PARD3B: variants seen among roughly 807,000 people sequenced by gnomAD.
PARD3B encodes par-3 family cell polarity regulator beta, also known as partitioning defective 3 homolog B.
In PARD3B, 103 loss-of-function variants were observed where a neutral mutation model predicts 130.2. That is an observed-to-expected ratio of 0.79 (90% CI 0.67 to 0.93). The LOEUF is 0.93. Ranked by LOEUF, PARD3B falls within the 40% of genes least tolerant of loss-of-function variation. The pLI, the probability that PARD3B is intolerant of heterozygous loss-of-function variation, is 0.00. For synonymous variants in PARD3B, 583 were observed against 553.2 expected (o/e 1.05, Z -0.76); for missense variants, 1,609 against 1,499.2 (o/e 1.07, Z -1.21).
intron 12 of PARD3B, among the ~76,000 whole-genome samples, chr2:205,175,129 T>G (rs2035394151): frequency 2.0e-5 from 3 of 152,200 alleles, no homozygotes; most frequent in Admixed American, 2.0e-4. Context: ...GGCTGAATAC[T>G]TTAATTAGGC....
At chr2:204,853,003 G>A (rs1260509710) in intron 2 of PARD3B, among the ~76,000 whole-genome samples, 1 of 152,076 alleles carries the variant, frequency 6.6e-6, no homozygotes, top group Admixed American at 6.6e-5. Flanking sequence ...AAATATTAAT[G>A]TCTTAAAGTT....
At chr2:205,106,574 C>T (rs1436143459) in intron 5 of PARD3B, among the ~76,000 whole-genome samples, 1 of 151,084 alleles carries the variant, frequency 6.6e-6, no homozygotes, top group Admixed American at 6.6e-5. Flanking sequence ...GTTTTCTTAT[C>T]ACCTTTAATA....
rs2045519693 is a variant in PARD3B at position 205,383,101 on chromosome 2, T to TAGATAGATAGATAGATAGAG, written c.2631-17893_2631-17892insGAGATAGATAGATAGATAGA. The stretch of plus-strand genomic sequence containing the variant: ...AAGTTTACATAGATAGATAGATAGA[T>TAGATAGATAGATAGATAGAG]AGATAGATAGATAGATAGATAGATA... On this transcript the variant is annotated intron_variant, in intron 18 of 22. Transcript: ENST00000406610. 1.4e-4 allele frequency among the ~76,000 whole-genome samples: 18 copies of TAGATAGATAGATAGATAGAG among 132,432 alleles called. No individual in the cohort carries two copies. In the South Asian group the frequency reaches 2.7e-3, roughly 20 times the overall value. 86.9% of individuals were successfully genotyped at this position (132,432 alleles called of 152,430 possible). A position where few individuals can be genotyped will look rare whatever the true frequency, so the allele number is the denominator to read the frequency against.
chr2:205,114,807 G>A (rs1703912673), intron 6 of PARD3B, among the ~76,000 whole-genome samples: 1 of 149,458 alleles, frequency 6.7e-6, no homozygotes, highest in Admixed American at 6.7e-5. Flanking sequence ...TGGAATGAAT[G>A]TTCCCCAAAA....
chr2:205,497,202 T>TGAA (rs1244754726), intron 20 of PARD3B, among the ~76,000 whole-genome samples: 1 of 112,206 alleles, frequency 8.9e-6, no homozygotes, highest in African/African-American at 3.1e-5. Flanking sequence ...ACATACATAT[T>TGAA]GAAAAAAAAA....
rs375400441 is a variant in PARD3B, at chr2:205,463,243, G to A, written c.3044+22571G>A. On this transcript the variant is annotated intron_variant, in intron 20 of 22. Transcript: ENST00000406610. This position sits in a 1 kb window ranked among gnomAD's most constrained non-coding sequence, Gnocchi z 4.8. ...TTAGTCTTCCTTACACATAAGGAGA[G>A]TTTGAACAATGGATCCAAATTATCA... Among the ~76,000 whole-genome samples, 6 of 152,200 alleles carry A rather than the reference G, an allele frequency of 3.9e-5. No homozygotes were observed. The highest frequency in any genetic ancestry group is 3.9e-4 in the East Asian group (2 of 5,164).
At chr2:205,337,317 T>G (rs531249581) in intron 18 of PARD3B, among the ~76,000 whole-genome samples, 197 of 152,346 alleles carry the variant, frequency 1.3e-3, no homozygotes, top group African/African-American at 4.5e-3. Context: ...ACTTACATCT[T>G]CTTTATGTCT....
intron 15 of PARD3B, among the ~76,000 whole-genome samples, chr2:205,200,983 T>A (rs1357178792): frequency 6.6e-6 from 1 of 152,150 alleles, no homozygotes; most frequent in Non-Finnish European, 1.5e-5. Flanking sequence ...TGTTTTCAGA[T>A]CAAAGGAGAA....
rs1334839304 is a variant in PARD3B at position 205,309,142 on chromosome 2, C to T, written c.2630+7441C>T. Among the ~76,000 whole-genome samples the T allele has an allele frequency of 6.6e-6, 1 of 152,182 alleles. No individual in the cohort carries two copies. Among genetic ancestry groups the T allele is most frequent in the Non-Finnish European group, 1.5e-5 (1 of 68,030 alleles). The stretch of plus-strand genomic sequence containing the variant: ...CTCCACATAGAGCTATAACAAAAAA[C>T]TAACCCAAACTGTGTCTGTTTTAGT... On this transcript the variant is annotated intron_variant, in intron 18 of 22. Coordinates refer to ENST00000406610, the MANE Select transcript of PARD3B (RefSeq NM_001302769.2). This position sits in a 1 kb window ranked among gnomAD's most constrained non-coding sequence, Gnocchi z 4.7.
At chr2:205,475,522 T>G (rs1405615986) in intron 20 of PARD3B, among the ~76,000 whole-genome samples, 1 of 152,166 alleles carries the variant, frequency 6.6e-6, no homozygotes, top group Non-Finnish European at 1.5e-5. Context: ...AGCCTATTGT[T>G]GAAATGTCAC....
chr2:205,484,955 G>C (rs1156825408), intron 20 of PARD3B, among the ~76,000 whole-genome samples: 1 of 152,150 alleles, frequency 6.6e-6, no homozygotes, highest in Non-Finnish European at 1.5e-5. Context: ...CAGCAGCAGA[G>C]TGCCTAATTT....
At chr2:204,903,563 T>TA (rs1559244042) in intron 2 of PARD3B, among the ~76,000 whole-genome samples, 1 of 152,186 alleles carries the variant, frequency 6.6e-6, no homozygotes, top group East Asian at 1.9e-4. Context: ...CAAGAATACT[T>TA]ACATGTTGCA....
intron 2 of PARD3B, among the ~76,000 whole-genome samples, chr2:204,856,676 G>C (rs989239098): frequency 6.6e-6 from 1 of 152,004 alleles, no homozygotes; most frequent in Admixed American, 6.6e-5. Context: ...CAAGTTTTAT[G>C]TTAGATTTCT....
intron 2 of PARD3B, among the ~76,000 whole-genome samples, chr2:204,804,901 A>C (rs2042708957): frequency 7.0e-6 from 1 of 142,722 alleles, no homozygotes; most frequent in South Asian, 2.1e-4. Flanking sequence ...TCAATGAATA[A>C]GGAAATTAAA....
chr2:204,634,969 C>T (rs2034819258), intron 1 of PARD3B, among the ~76,000 whole-genome samples: 2 of 152,192 alleles, frequency 1.3e-5, no homozygotes, highest in South Asian at 4.1e-4. Flanking sequence ...TTTAATACTT[C>T]ATCCTTTCCC....
intron 1 of PARD3B, among the ~76,000 whole-genome samples, chr2:204,620,346 C>A (rs560367013): frequency 1.3e-5 from 2 of 152,182 alleles, no homozygotes; most frequent in Admixed American, 6.5e-5. Flanking sequence ...CCTCACCCGG[C>A]CCATGAACCT....
At chr2:205,545,225 T>C (rs1328787661) in intron 21 of PARD3B, among the ~76,000 whole-genome samples, 1 of 152,214 alleles carries the variant, frequency 6.6e-6, no homozygotes, top group African/African-American at 2.4e-5. Flanking sequence ...TTTGTTTAAA[T>C]AGAGCATTTC....
intron 2 of PARD3B, among the ~76,000 whole-genome samples, chr2:204,919,133 T>A (rs1375994290): frequency 2.0e-5 from 3 of 152,234 alleles, no homozygotes; most frequent in African/African-American, 7.2e-5. Context: ...TCTGTAACCA[T>A]CTTTCAAGGC....
intron 20 of PARD3B, among the ~76,000 whole-genome samples, chr2:205,466,864 C>G (rs1251274219): frequency 1.3e-5 from 2 of 152,166 alleles, no homozygotes; most frequent in African/African-American, 4.8e-5. Flanking sequence ...AGGCACCCAC[C>G]ACCACACCTG....
Sources: allele counts gnomAD v4.1 joint callset (sites outside exome capture counted in the v4.1 genomes callset), GRCh38; gene constraint gnomAD v4.1.1; non-coding constraint Gnocchi (gnomAD v3.1); transcripts MANE v1.5; gene names NCBI Gene and HGNC (gene_info 2026-07-23, HGNC 2026-07-21).